SCRN1: variants seen among roughly 807,000 people sequenced by gnomAD.
SCRN1 encodes the protein secernin 1.
SCRN1 carries 19 observed loss-of-function variants against 43.3 expected under a neutral mutation model. The observed-to-expected ratio is 0.44, with a 90% CI of 0.31 to 0.64. The LOEUF is 0.64. Among genes scored for constraint, SCRN1 ranks in the 30% least tolerant of loss-of-function variants. The pLI, the probability that SCRN1 is intolerant of heterozygous loss-of-function variation, is 0.09. For synonymous variants in SCRN1, 183 were observed against 188.9 expected, an observed-to-expected ratio of 0.97 and a Z score of 0.26; for missense variants, 447 against 524.1, an observed-to-expected ratio of 0.85 and a Z score of 1.44.
chr7:29,962,766 T>C (rs1456936510), intron 2 of SCRN1, among the ~76,000 whole-genome samples: 1 of 152,234 alleles, frequency 6.6e-6, no homozygotes, highest in Non-Finnish European at 1.5e-5. Context: ...TGGGTTTTTA[T>C]GAAAAGTTCT....
chr7:29,969,243 A>AC, intron 1 of SCRN1, 175 bp from the exon 2 acceptor site: 1 of 619,018 alleles, frequency 1.6e-6, no homozygotes, highest in Non-Finnish European at 2.7e-6. Flanking sequence ...GTGGAATGAC[A>AC]GAGCCACCGA....
intron 2 of SCRN1, among the ~76,000 whole-genome samples, chr7:29,956,559 A>T (rs1788143415): frequency 6.6e-6 from 1 of 152,330 alleles, no homozygotes; most frequent in South Asian, 2.1e-4. Flanking sequence ...AATGCAGCCC[A>T]CAAAGCTATT....
chr7:29,970,930 A>G (rs1412993337), intron 1 of SCRN1, among the ~76,000 whole-genome samples: 1 of 152,168 alleles, frequency 6.6e-6, no homozygotes, highest in Admixed American at 6.5e-5. Flanking sequence ...TTGCTTGTAT[A>G]TTTCTTTACC....
At chr7:29,944,534 A>C (rs1787665083) in intron 3 of SCRN1, among the ~76,000 whole-genome samples, 1 of 151,872 alleles carries the variant, frequency 6.6e-6, no homozygotes, top group African/African-American at 2.4e-5. Context: ...ATGGCGGGAC[A>C]CACTGGCAGT....
In SCRN1 at chr7:29,922,821, CCT is replaced by C. The variant is rs1786812641; in HGVS notation, c.*1134_*1135del. 6.6e-6 allele frequency: 1 copy of C among 152,302 alleles called. No individual in the cohort carries two copies. Among genetic ancestry groups the C allele is most frequent in the Admixed American group, 6.5e-5 (1 of 15,282 alleles). 9.4% of individuals were successfully genotyped at this position (152,302 alleles called of 1,614,324 possible). A position where few individuals can be genotyped will look rare whatever the true frequency, so the allele number is the denominator to read the frequency against. ...CTATATCCATCTATCACCTCCTTGC[CCT>C]CTGTCTTCCCAATGCTAAGCCCATC... On this transcript the variant is annotated 3_prime_UTR_variant, in exon 8 of 8. Transcript: ENST00000242059.
intron 3 of SCRN1, among the ~76,000 whole-genome samples, chr7:29,944,494 TC>T (rs1319084054): frequency 6.6e-6 from 1 of 151,448 alleles, no homozygotes; most frequent in African/African-American, 2.4e-5. Flanking sequence ...GACCTCTTCC[TC>T]AAAAAAAAAT....
intron 2 of SCRN1, among the ~76,000 whole-genome samples, chr7:29,962,043 G>A (rs966709355): frequency 4.0e-5 from 6 of 151,798 alleles, no homozygotes; most frequent in Non-Finnish European, 8.8e-5. Flanking sequence ...CATGGTTTTT[G>A]CATGTGTCCA....
intron 2 of SCRN1, among the ~76,000 whole-genome samples, chr7:29,961,182 A>G (rs1364604261): frequency 1.4e-5 from 2 of 141,532 alleles, no homozygotes; most frequent in African/African-American, 5.3e-5. Context: ...AAGTGAACAA[A>G]GGTCTCTGGT....
chr7:29,942,200 C>G (rs747635252), intron 4 of SCRN1, among the ~76,000 whole-genome samples: 8 of 151,856 alleles, frequency 5.3e-5, no homozygotes, highest in Non-Finnish European at 7.4e-5. Flanking sequence ...TTGTAAGCAA[C>G]TCTACAGATA....
intron 4 of SCRN1, 34 bp from the exon 5 acceptor site, chr7:29,940,910 T>C: frequency 6.9e-7 from 1 of 1,444,308 alleles, no homozygotes; most frequent in Non-Finnish European, 9.1e-7. Context: ...AAGTTAAAAA[T>C]ATACTTATAA....
intron 5 of SCRN1, 80 bp downstream of exon 5, chr7:29,940,602 C>G: frequency 7.3e-7 from 1 of 1,361,572 alleles, no homozygotes; most frequent in Non-Finnish European, 1.0e-6. Flanking sequence ...GTTCACCCTT[C>G]TAAGTTCAGA....
In SCRN1 at chr7:29,944,056, A is replaced by G. The variant is rs1188376808; in HGVS notation, c.465T>C (p.Ser155=). 6.2e-7 allele frequency: 1 copy of G among 1,614,110 alleles called. No individual in the cohort carries two copies. The highest frequency in any genetic ancestry group is 1.7e-5 in the Admixed American group (1 of 60,002). ...CATCACGATCCACAATCAGATATGC[A>G]CTTTGGAAGCTGTGGCAGGAGTTTG... ...EDANSCHSFQ[S]AYLIVDRDEA... The change falls in exon 4 of 8, where the codon AGT becomes AGC. Residue 155 remains serine, a synonymous_variant. Coordinates refer to ENST00000242059, the MANE Select transcript of SCRN1 (RefSeq NM_014766.5).
At chr7:29,930,177 T>C (rs1196708597) in intron 6 of SCRN1, among the ~76,000 whole-genome samples, 1 of 151,624 alleles carries the variant, frequency 6.6e-6, no homozygotes, top group Non-Finnish European at 1.5e-5. Context: ...ATTATATAAC[T>C]AATAAATAAG....
rs756379805 is a variant in SCRN1, at chr7:29,968,999, T to A, written c.69A>T (p.Val23=). The A allele has an allele frequency of 1.9e-6, 3 of 1,614,036 alleles. No homozygotes were observed. Among genetic ancestry groups the A allele is most frequent in the Non-Finnish European group, 2.5e-6 (3 of 1,179,998 alleles). Residue 23 remains valine, a synonymous_variant, in exon 2 of 8, where the codon GTA becomes GTT. Coordinates refer to ENST00000242059, the MANE Select transcript of SCRN1 (RefSeq NM_014766.5). ...TGGGCCGGGCTGAATTTTTCCCAAA[T>A]ACCACCAGACCATCCTTAGCACGTG... ...FPPRAKDGLV[V]FGKNSARPRD... is the part of the protein sequence containing the mutation.
chr7:29,977,181 G>A (rs1183707985), intron 1 of SCRN1, among the ~76,000 whole-genome samples: 2 of 152,166 alleles, frequency 1.3e-5, no homozygotes, highest in Non-Finnish European at 2.9e-5. Flanking sequence ...TGCAAGTACC[G>A]ATGACCAACT....
intron 7 of SCRN1, among the ~76,000 whole-genome samples, chr7:29,925,554 T>C (rs77649460): frequency 1.3e-5 from 2 of 152,318 alleles, no homozygotes; most frequent in East Asian, 3.9e-4. Flanking sequence ...GGCTTGAATT[T>C]ATATAAAGTC....
intron 5 of SCRN1, among the ~76,000 whole-genome samples, chr7:29,940,425 CA>C (rs1478418937): frequency 6.6e-6 from 1 of 152,088 alleles, no homozygotes; most frequent in African/African-American, 2.4e-5. Context: ...AAAGGCAACA[CA>C]ATGACATCAG....
chr7:29,981,211 C>G (rs183590003), intron 1 of SCRN1, among the ~76,000 whole-genome samples: 57 of 151,904 alleles, frequency 3.8e-4, no homozygotes, highest in South Asian at 2.3e-3. Flanking sequence ...TAAAGCTTTA[C>G]CTTAAGAAAG....
chr7:29,929,031 G>T (rs779482731), intron 6 of SCRN1, among the ~76,000 whole-genome samples: 7 of 152,180 alleles, frequency 4.6e-5, no homozygotes, highest in Non-Finnish European at 7.4e-5. Context: ...GGCTACCTCT[G>T]GGCTCTGACA....
Sources: allele counts gnomAD v4.1 joint callset (sites outside exome capture counted in the v4.1 genomes callset), GRCh38; gene constraint gnomAD v4.1.1; transcripts MANE v1.5; gene names NCBI Gene and HGNC (gene_info 2026-07-23, HGNC 2026-07-21).